Variants in RYR2 observed in about 807,000 individuals in gnomAD.
The protein encoded by RYR2 is cardiac muscle ryanodine receptor-calcium release channel.
A neutral mutation model predicts 601.1 loss-of-function variants in RYR2; 227 were observed. The observed-to-expected ratio is 0.38, with a 90% CI of 0.34 to 0.42. The LOEUF is 0.42. RYR2 is among the 10% of genes least tolerant of loss of function. RYR2 has a pLI of 1.00. For missense variants in RYR2, 4,646 were observed against 6,156.5 expected (o/e 0.75, Z 8.21); for synonymous variants, 2,223 against 2,175.1 (o/e 1.02, Z -0.61).
chr1:237,661,695 G>A (rs970043545), intron 56 of RYR2, among the ~76,000 whole-genome samples: 1 of 152,106 alleles, frequency 6.6e-6, no homozygotes, highest in Non-Finnish European at 1.5e-5. Context: ...AAGGCACAAG[G>A]GCGCTCCTGT....
At chr1:237,194,816 A>G (rs995167280) in intron 1 of RYR2, among the ~76,000 whole-genome samples, 2 of 152,206 alleles carry the variant, frequency 1.3e-5, no homozygotes, top group Non-Finnish European at 2.9e-5. Context: ...GCTGTCTTCA[A>G]TTGAATCTTT....
chr1:237,130,838 T>C (rs552297940), intron 1 of RYR2, among the ~76,000 whole-genome samples: 2 of 152,304 alleles, frequency 1.3e-5, no homozygotes, highest in East Asian at 3.9e-4. Flanking sequence ...ATTTATATGA[T>C]CAATTTTTTT....
intron 1 of RYR2, among the ~76,000 whole-genome samples, chr1:237,202,597 G>A (rs1681319269): frequency 6.6e-6 from 1 of 152,124 alleles, no homozygotes; most frequent in Non-Finnish European, 1.5e-5. Flanking sequence ...TAGTAGAGAC[G>A]TGGTTTTGCT....
At chr1:237,443,968 A>G (rs961332860) in intron 13 of RYR2, among the ~76,000 whole-genome samples, 7 of 152,164 alleles carry the variant, frequency 4.6e-5, no homozygotes, top group Non-Finnish European at 4.4e-5. Context: ...AACTGGTCAA[A>G]TAGAGTTGGA....
intron 1 of RYR2, among the ~76,000 whole-genome samples, chr1:237,192,239 C>T (rs1052294514): frequency 1.3e-5 from 2 of 152,004 alleles, no homozygotes; most frequent in Non-Finnish European, 2.9e-5. Flanking sequence ...GACAGAGTCT[C>T]GCTCTGTCAC....
chr1:237,720,826 C>T (rs957602080), intron 73 of RYR2, among the ~76,000 whole-genome samples: 4 of 152,072 alleles, frequency 2.6e-5, no homozygotes, highest in Admixed American at 1.3e-4. Flanking sequence ...TGATTATAAG[C>T]AGAAAGAAGT....
intron 48 of RYR2, 119 bp downstream of exon 48, chr1:237,643,566 C>A: frequency 2.0e-6 from 2 of 1,000,546 alleles, no homozygotes; most frequent in Non-Finnish European, 2.8e-6. Flanking sequence ...GTGTATACTA[C>A]TTAAATTAGT....
At chr1:237,448,076 A>C (rs1272088075) in intron 14 of RYR2, among the ~76,000 whole-genome samples, 1 of 151,754 alleles carries the variant, frequency 6.6e-6, no homozygotes, top group Non-Finnish European at 1.5e-5. Context: ...ACAGGTGTGC[A>C]TCACCACTCC....
intron 94 of RYR2, 65 bp downstream of exon 94, chr1:237,792,388 T>TGTGC (rs1658535553): frequency 2.4e-6 from 2 of 820,120 alleles, no homozygotes. Flanking sequence ...TGTGCGTGTG[T>TGTGC]GTGTGTGTGC....
intron 98 of RYR2, chr1:237,802,453 A>G (rs958312323): frequency 6.6e-6 from 1 of 152,240 alleles, no homozygotes; most frequent in Non-Finnish European, 1.5e-5. Flanking sequence ...ACTGACTTTT[A>G]TAGTTCACGT....
rs1688805201 is a variant in RYR2 at position 237,711,134 on chromosome 1, T to A, written c.10231-611T>A. Among the ~76,000 whole-genome samples, 3 of 152,196 alleles carry A rather than the reference T, an allele frequency of 2.0e-5. No homozygotes were observed. In the South Asian group the frequency reaches 6.2e-4, roughly 32 times the overall value. On this transcript the variant is annotated intron_variant, in intron 70 of 104. Transcript: ENST00000366574. Reference sequence around the variant, plus strand: ...GAACAAGAGTATTTATCATAATCAGTATGTTTTCAGATGAATGTCTAATCA... The same window carrying A: ...GAACAAGAGTATTTATCATAATCAGAATGTTTTCAGATGAATGTCTAATCA...
chr1:237,362,057 C>A (rs933072745), intron 4 of RYR2, among the ~76,000 whole-genome samples: 2 of 152,274 alleles, frequency 1.3e-5, no homozygotes, highest in African/African-American at 4.8e-5. Context: ...ATAGCAATTT[C>A]TCTTCCTGGC....
chr1:237,319,784 G>A (rs1347369429), intron 2 of RYR2, among the ~76,000 whole-genome samples: 1 of 152,170 alleles, frequency 6.6e-6, no homozygotes, highest in African/African-American at 2.4e-5. Context: ...GTTCCTAGGT[G>A]TCTTTCTTGT....
intron 1 of RYR2, among the ~76,000 whole-genome samples, chr1:237,084,271 T>C (rs1385587731): frequency 6.6e-6 from 1 of 152,156 alleles, no homozygotes; most frequent in Non-Finnish European, 1.5e-5. Context: ...CAAGCTGGCT[T>C]CTCCACTTTC....
chr1:237,728,886 C>A (rs188670196), intron 76 of RYR2, among the ~76,000 whole-genome samples: 2 of 152,062 alleles, frequency 1.3e-5, no homozygotes, highest in East Asian at 3.9e-4. Context: ...ACCACCATGG[C>A]ACATGTATAC....
intron 1 of RYR2, among the ~76,000 whole-genome samples, chr1:237,088,043 C>T (rs1666545890): frequency 1.3e-5 from 2 of 152,302 alleles, no homozygotes; most frequent in South Asian, 2.1e-4. Flanking sequence ...GCTGACTGCA[C>T]TTGCCATTTC....
At chr1:237,506,169 T>A (rs1010468110) in intron 22 of RYR2, among the ~76,000 whole-genome samples, 1 of 151,870 alleles carries the variant, frequency 6.6e-6, no homozygotes, top group Non-Finnish European at 1.5e-5. Flanking sequence ...CTCCTTTTTT[T>A]TTTTTTCTGG....
At position 237,085,295 on chromosome 1, in the gene RYR2, A is replaced by T. The variant is rs190239553; in HGVS notation, c.48+42726A>T. On this transcript the variant is annotated intron_variant, in intron 1 of 104. Transcript: ENST00000366574. ...TTTCAGCTACTGGGATGGAACCGTG[A>T]CTTATCAAAAGGAGTCAAGTCTTTG... is the stretch of plus-strand genomic sequence containing the variant. Among the ~76,000 whole-genome samples, 307 of 152,332 alleles carry T rather than the reference A, an allele frequency of 2.0e-3. 1 individual carries two copies. The highest frequency in any genetic ancestry group is 7.2e-3 in the African/African-American group (300 of 41,576).
At chr1:237,536,230 A>G (rs373612455) in intron 25 of RYR2, among the ~76,000 whole-genome samples, 48 of 152,224 alleles carry the variant, frequency 3.2e-4, no homozygotes, top group African/African-American at 1.1e-3. Flanking sequence ...GTGCTTCTGC[A>G]CTTGATGTTA....
Sources: gnomAD v4.1 joint callset for allele counts (sites outside exome capture counted in the v4.1 genomes callset) on GRCh38, gnomAD v4.1.1 for gene constraint, MANE v1.5 for transcripts, NCBI Gene and HGNC (gene_info 2026-07-23, HGNC 2026-07-21) for gene names.